The following ACTR3C variants were observed in gnomAD, a reference collection of about 807,000 sequenced individuals.
ACTR3C encodes the protein actin related protein 3C, also known as actin-related protein 3C.
ACTR3C carries 18 observed loss-of-function variants against 26.3 expected under a neutral mutation model. The ratio of observed to expected loss-of-function variants is 0.68; its 90% CI spans 0.47 to 1.01. The LOEUF (loss-of-function observed/expected upper bound fraction) is 1.01. Among genes scored for constraint, ACTR3C ranks in the 50% least tolerant of loss-of-function variants. ACTR3C has a pLI of 0.00. For missense variants in ACTR3C, 184 were observed against 250.7 expected (o/e 0.73, Z 1.80); for synonymous variants, 55 against 94.5 (o/e 0.58, Z 2.42).
chr7:150,256,016 T>C (rs1471277654), intron 6 of ACTR3C, among the ~76,000 whole-genome samples: 2 of 152,242 alleles, frequency 1.3e-5, no homozygotes, highest in African/African-American at 4.8e-5. Flanking sequence ...AGGGAAACAA[T>C]GTAGAGATAC....
the ACTR3C span, chr7:150,005,002 C>T: frequency 2.0e-5 from 3 of 152,136 alleles, no homozygotes; most frequent in Admixed American, 1.3e-4. Context: ...GGTTAGACGC[C>T]GATACTGTGC....
the ACTR3C span, among the ~76,000 whole-genome samples, chr7:150,041,758 G>A: frequency 2.1e-4 from 28 of 131,076 alleles, no homozygotes; most frequent in South Asian, 5.1e-4. Context: ...CCAGGGGGGG[G>A]AAGAGGGACT....
intron 1 of ACTR3C, among the ~76,000 whole-genome samples, chr7:150,298,398 A>G (rs1795124274): frequency 1.3e-5 from 2 of 150,812 alleles, no homozygotes; most frequent in South Asian, 2.2e-4. Flanking sequence ...GACCAAACAT[A>G]TCTGTCACAC....
At chr7:150,129,262 C>T in the ACTR3C span, among the ~76,000 whole-genome samples, 862 of 146,900 alleles carry the variant, frequency 5.9e-3, 1 homozygote, top group South Asian at 0.022. Flanking sequence ...ATGATATCTA[C>T]GAGAAACCAA....
chr7:150,041,239 T>A, the ACTR3C span: 1 of 150,870 alleles, frequency 6.6e-6, no homozygotes, highest in Non-Finnish European at 1.5e-5. Context: ...AAGGCTTGGC[T>A]AATACTGCAA....
At chr7:150,181,331 G>A in the ACTR3C span, among the ~76,000 whole-genome samples, 1 of 150,154 alleles carries the variant, frequency 6.7e-6, no homozygotes, top group African/African-American at 2.5e-5. Flanking sequence ...AAACAATCAG[G>A]TTCTACTATT....
chr7:150,040,368 G>A, the ACTR3C span, among the ~76,000 whole-genome samples: 1 of 148,104 alleles, frequency 6.8e-6, no homozygotes, highest in Non-Finnish European at 1.5e-5. Context: ...AGATCGGGTA[G>A]CCCCAGGGCT....
At chr7:150,135,380 T>C in the ACTR3C span, among the ~76,000 whole-genome samples, 1 of 152,252 alleles carries the variant, frequency 6.6e-6, no homozygotes, top group Non-Finnish European at 1.5e-5. Flanking sequence ...CTGTGTAGGA[T>C]ATCACTGCAG....
At chr7:150,040,475 C>T in the ACTR3C span, 1 of 148,388 alleles carries the variant, frequency 6.7e-6, no homozygotes, top group African/African-American at 2.6e-5. Context: ...TTTGTGACCT[C>T]ATACAAAGGC....
chr7:150,055,861 A>G, the ACTR3C span, among the ~76,000 whole-genome samples: 2 of 151,712 alleles, frequency 1.3e-5, no homozygotes, highest in African/African-American at 4.8e-5. Context: ...TCTAGTTTGG[A>G]CTCATTGCTT....
the ACTR3C span, among the ~76,000 whole-genome samples, chr7:149,978,078 C>T: frequency 2.0e-5 from 3 of 151,566 alleles, no homozygotes; most frequent in South Asian, 2.1e-4. Context: ...CTGGAAAGCA[C>T]GGGTTGCCTG....
At chr7:150,263,392 G>A (rs1447053846) in intron 6 of ACTR3C, among the ~76,000 whole-genome samples, 3 of 152,096 alleles carry the variant, frequency 2.0e-5, no homozygotes, top group African/African-American at 7.2e-5. Flanking sequence ...TAGCCATGAT[G>A]CTATTAAGAG....
the ACTR3C span, among the ~76,000 whole-genome samples, chr7:149,943,033 C>T: frequency 2.6e-5 from 4 of 152,226 alleles, no homozygotes; most frequent in East Asian, 1.9e-4. Flanking sequence ...TTGCCACCCA[C>T]GGCTGGAGCC....
chr7:150,185,449 A>G, the ACTR3C span, among the ~76,000 whole-genome samples: 3 of 152,208 alleles, frequency 2.0e-5, no homozygotes, highest in African/African-American at 7.2e-5. Context: ...AATTAAGCTA[A>G]CATTCAAATA....
chr7:149,928,834 C>A, the ACTR3C span, among the ~76,000 whole-genome samples: 1 of 151,550 alleles, frequency 6.6e-6, no homozygotes, highest in Non-Finnish European at 1.5e-5. Flanking sequence ...CACAGCAAGA[C>A]TCCGTCTCAA....
chr7:150,086,281 C>G, the ACTR3C span, among the ~76,000 whole-genome samples: 248 of 152,004 alleles, frequency 1.6e-3, no homozygotes, highest in Admixed American at 1.4e-3. Context: ...CAGCCCCATG[C>G]ATTATTTTGA....
chr7:150,257,477 C>T (rs924866864), intron 6 of ACTR3C, among the ~76,000 whole-genome samples: 14 of 152,130 alleles, frequency 9.2e-5, no homozygotes, highest in African/African-American at 2.9e-4. Context: ...CAGGCCAATA[C>T]CAAGAAGGAA....
the ACTR3C span, among the ~76,000 whole-genome samples, chr7:149,993,959 G>T: frequency 1.3e-5 from 2 of 152,176 alleles, no homozygotes; most frequent in Admixed American, 6.5e-5. Context: ...TGATTTTAGA[G>T]AACTATACTG....
the ACTR3C span, among the ~76,000 whole-genome samples, chr7:150,156,234 A>T: frequency 6.6e-6 from 1 of 152,322 alleles, no homozygotes; most frequent in Non-Finnish European, 1.5e-5. Context: ...GTTAAGCAAG[A>T]TTCCTGTTTG....
Sources: allele counts gnomAD v4.1 joint callset (sites outside exome capture counted in the v4.1 genomes callset), GRCh38; gene constraint gnomAD v4.1.1; transcripts MANE v1.5; gene names NCBI Gene and HGNC (gene_info 2026-07-23, HGNC 2026-07-21).